The following MRPS33 variants were observed in gnomAD, a reference collection of about 807,000 sequenced individuals.
MRPS33 encodes the protein small ribosomal subunit protein mS33.
Under a neutral mutation model 11.2 loss-of-function variants are expected in MRPS33, and 11 were observed. That is an observed-to-expected ratio of 0.99 (90% CI 0.62 to 1.63). MRPS33 has a LOEUF of 1.63. Ranked by LOEUF, MRPS33 falls within the 40% of genes most tolerant of loss-of-function variation. The pLI is 0.00. For synonymous variants in MRPS33, 46 were observed against 44.0 expected, an observed-to-expected ratio of 1.05 and a Z score of -0.18; for missense variants, 109 against 127.8, an observed-to-expected ratio of 0.85 and a Z score of 0.71.
chr7:141,012,073 A>C (rs1289632913), intron 1 of MRPS33, among the ~76,000 whole-genome samples: 2 of 150,744 alleles, frequency 1.3e-5, no homozygotes, highest in Non-Finnish European at 3.0e-5. Context: ...GTGGAGGCTG[A>C]GGAGGGGGAC....
intron 2 of MRPS33, 159 bp downstream of exon 2, chr7:141,010,260 G>C: frequency 1.5e-6 from 1 of 652,028 alleles, no homozygotes; most frequent in Non-Finnish European, 2.6e-6. Context: ...TCCATTATGG[G>C]TATTTTGAAA....
At chr7:141,006,723 A>G (rs1173010792) in intron 2 of MRPS33, among the ~76,000 whole-genome samples, 188 bp from the exon 3 acceptor site, 1 of 152,170 alleles carries the variant, frequency 6.6e-6, no homozygotes, top group Non-Finnish European at 1.5e-5. Context: ...GTGTATTCCA[A>G]AAGTTCACTT....
rs753566394 is a variant in MRPS33, at chr7:141,010,437, C to T, written c.197G>A (p.Arg66Gln). 1.8e-5 allele frequency: 29 copies of T among 1,614,128 alleles called. No homozygotes were observed. The Admixed American group carries it at 3.0e-4, about 17-fold the overall frequency. ...TCATCACCTGTAGAGTCCAAGAAAT[C>T]GGAGCGTCTGCATGAGTTCAGCGTA... The part of the protein sequence containing the change: ...HTYAELMQTL[R>Q]FLGLYRDEHQ... Residue 66 changes from arginine (R) to glutamine (Q), a missense_variant, in exon 2 of 3, where the codon CGA (arginine) becomes CAA (glutamine). Physicochemically the swap from Arg to Gln is conservative, Grantham distance 43. Coordinates refer to ENST00000324787, the MANE Select transcript of MRPS33 (RefSeq NM_053035.3).
At chr7:141,010,257 T>G in intron 2 of MRPS33, 162 bp downstream of exon 2, 1 of 640,870 alleles carries the variant, frequency 1.6e-6, no homozygotes, top group South Asian at 2.0e-5. Context: ...CTCTCCATTA[T>G]GGGTATTTTG....
chr7:141,013,883 TG>T (rs1321658358), intron 1 of MRPS33, among the ~76,000 whole-genome samples: 13 of 152,372 alleles, frequency 8.5e-5, no homozygotes, highest in Admixed American at 7.2e-4. Context: ...GTATTAGGTT[TG>T]CCTTTTCTCT....
Position 141,006,486 on chromosome 7 carries a change from G to A in MRPS33, c.265C>T (p.Arg89Cys), listed in dbSNP as rs539155034. The change falls in exon 3 of 3, where the codon CGT (arginine) becomes TGT (cysteine). Residue 89 changes from arginine (R) to cysteine (C), a missense_variant. Physicochemically the swap from Arg to Cys is radical, Grantham distance 180. Transcript: ENST00000324787. Reference sequence around the variant, plus strand: ...CCTTTCTTTGGTTTCTCCTTTCCACGAAGCTTCTTTAGTCGTTTTTGCTCA... The same window carrying A: ...CCTTTCTTTGGTTTCTCCTTTCCACAAAGCTTCTTTAGTCGTTTTTGCTCA... ...MDEQKRLKKLRGKEKPKKGEG... is the reference protein window; with the variant it reads ...MDEQKRLKKLCGKEKPKKGEG... 20 of 1,613,914 alleles carry A rather than the reference G, an allele frequency of 1.2e-5. No individual in the cohort carries two copies. Among genetic ancestry groups the A allele is most frequent in the Admixed American group, 1.7e-5 (1 of 60,024 alleles).
chr7:141,008,664 T>C (rs1168320379), intron 2 of MRPS33, among the ~76,000 whole-genome samples: 2 of 152,226 alleles, frequency 1.3e-5, no homozygotes, highest in East Asian at 1.9e-4. Flanking sequence ...ATAATTTTAG[T>C]ATTGTTGCCC....
chr7:141,003,219 C>T lies in MRPS33; in HGVS notation c.*3211G>A, dbSNP rs998453451. ...TTTTGACCAGAGAAATCCAATTAAA[C>T]AAACTGGCTAGTCTAAACTTGGAGT... On this transcript the variant is annotated 3_prime_UTR_variant, in exon 3 of 3. Transcript: ENST00000324787. 4 of 152,204 alleles carry T rather than the reference C, an allele frequency of 2.6e-5. No homozygotes were observed. Among genetic ancestry groups the T allele is most frequent in the African/African-American group, 7.2e-5 (3 of 41,450 alleles). The allele number at this position is 152,204 out of a possible 1,614,324, so 9.4% of individuals were successfully genotyped here.
In MRPS33 at chr7:141,003,677, C is replaced by G. The variant is rs1820458179; in HGVS notation, c.*2753G>C. ...AATGCAGTTATTCTCTTTAAAATAT[C>G]ATGCTAATTCTCTTAAGTTCCTCTT... On this transcript the variant is annotated 3_prime_UTR_variant, in exon 3 of 3. Coordinates refer to ENST00000324787, the MANE Select transcript of MRPS33 (RefSeq NM_053035.3). 6.6e-6 allele frequency: 1 copy of G among 152,204 alleles called. No individual in the cohort carries two copies. The highest frequency in any genetic ancestry group is 1.5e-5 in the Non-Finnish European group (1 of 68,042). The allele number at this position is 152,204 out of a possible 1,614,324, so 9.4% of individuals were successfully genotyped here.
chr7:141,005,882 C>T lies in MRPS33; in HGVS notation c.*548G>A, dbSNP rs1198667109. The stretch of plus-strand genomic sequence containing the variant: ...TTGCTAACCACGTGTATTACCAGGG[C>T]CCCAATATCTTGTACAGAGCAGGTA... On this transcript the variant is annotated 3_prime_UTR_variant, in exon 3 of 3. Coordinates refer to ENST00000324787, the MANE Select transcript of MRPS33 (RefSeq NM_053035.3). 6.6e-6 allele frequency: 1 copy of T among 152,596 alleles called. No homozygotes were observed. The highest frequency in any genetic ancestry group is 6.5e-5 in the Admixed American group (1 of 15,318). The allele number at this position is 152,596 out of a possible 1,614,324, so 9.5% of individuals were successfully genotyped here.
At chr7:141,012,575 T>G (rs1820701957) in intron 1 of MRPS33, among the ~76,000 whole-genome samples, 1 of 152,256 alleles carries the variant, frequency 6.6e-6, no homozygotes, top group Non-Finnish European at 1.5e-5. Context: ...TCCTTTGCCC[T>G]TTAAAGTTAC....
chr7:141,013,091 G>A (rs1408498417), intron 1 of MRPS33, among the ~76,000 whole-genome samples: 1 of 151,568 alleles, frequency 6.6e-6, no homozygotes, highest in Non-Finnish European at 1.5e-5. Context: ...GAGACAGACA[G>A]ATAGATACTC....
Position 141,005,885 on chromosome 7 carries a change from C to A in MRPS33, c.*545G>T, listed in dbSNP as rs1318643896. ...CTAACCACGTGTATTACCAGGGCCC[C>A]AATATCTTGTACAGAGCAGGTATTC... On this transcript the variant is annotated 3_prime_UTR_variant, in exon 3 of 3. Transcript: ENST00000324787. 6.5e-6 allele frequency: 1 copy of A among 152,704 alleles called. No individual in the cohort carries two copies. The highest frequency in any genetic ancestry group is 1.5e-5 in the Non-Finnish European group (1 of 68,476). 9.5% of individuals were successfully genotyped at this position (152,704 alleles called of 1,614,324 possible). A position where few individuals can be genotyped will look rare whatever the true frequency, so the allele number is the denominator to read the frequency against.
intron 1 of MRPS33, among the ~76,000 whole-genome samples, chr7:141,013,951 GAA>G (rs1406707526): frequency 6.6e-6 from 1 of 152,172 alleles, no homozygotes; most frequent in Non-Finnish European, 1.5e-5. Context: ...TCAGCGTTTT[GAA>G]AACAGTGGAA....
intron 2 of MRPS33, 43 bp downstream of exon 2, chr7:141,010,376 G>GA: frequency 3.8e-6 from 6 of 1,588,292 alleles, no homozygotes; most frequent in Non-Finnish European, 5.1e-6. Context: ...CTGATCTACT[G>GA]AAAAAAAGTC....
rs375007002 is a variant in MRPS33 at position 141,006,378 on chromosome 7, C to G, written c.*52G>C. ...AATAGGTGGAAAGACAATAAATGCA[C>G]TTTCTTCTCTCCGCCACTGAGGAAG... On this transcript the variant is annotated 3_prime_UTR_variant, in exon 3 of 3. Transcript: ENST00000324787. The G allele has an allele frequency of 2.0e-5, 30 of 1,482,110 alleles. No individual in the cohort carries two copies. Among genetic ancestry groups the G allele is most frequent in the Non-Finnish European group, 2.7e-5 (29 of 1,069,620 alleles). 91.8% of individuals were successfully genotyped at this position (1,482,110 alleles called of 1,614,324 possible). A position where few individuals can be genotyped will look rare whatever the true frequency, so the allele number is the denominator to read the frequency against.
chr7:141,012,173 C>CAAAAAAAAAAAAAA lies in MRPS33; in HGVS notation c.-27-1527_-27-1514dup, dbSNP rs56343833. On this transcript the variant is annotated intron_variant, in intron 1 of 2. Coordinates refer to ENST00000324787, the MANE Select transcript of MRPS33 (RefSeq NM_053035.3). ...TGAGTGACAGAGCAAGATTGTGTGT[C>CAAAAAAAAAAAAAA]AAAAAAAAAAAAAAAAAAAAAGCAG... 2.2e-3 allele frequency among the ~76,000 whole-genome samples: 128 copies of CAAAAAAAAAAAAAA among 58,758 alleles called. 30 individuals carry two copies. The highest frequency in any genetic ancestry group is 5.5e-3 in the African/African-American group (69 of 12,476). The allele number at this position is 58,758 out of a possible 152,430, so 38.5% of individuals were successfully genotyped here.
rs200306228 is a variant in MRPS33 at position 141,009,134 on chromosome 7, AT to A, written c.215+1284del. On this transcript the variant is annotated intron_variant, in intron 2 of 2. Transcript: ENST00000324787. ...ATGAGAAAGATCACACAGGTATTTG[AT>A]TTTTTTTTTTTTTTGAGATAGAGTC... Among the ~76,000 whole-genome samples, 958 of 140,158 alleles carry A rather than the reference AT, an allele frequency of 6.8e-3. 4 individuals are homozygous for A. Among genetic ancestry groups the A allele is most frequent in the Middle Eastern group, 0.015 (4 of 264 alleles). 91.9% of individuals were successfully genotyped at this position (140,158 alleles called of 152,430 possible).
Position 141,010,638 on chromosome 7 carries a change from T to C in MRPS33, c.-5A>G, listed in dbSNP as rs1195264486. 6.2e-7 allele frequency: 1 copy of C among 1,613,352 alleles called. No individual in the cohort carries two copies. Among genetic ancestry groups the C allele is most frequent in the South Asian group, 1.1e-5 (1 of 91,054 alleles). ...ATATTCTGAAAGGGAGGACATTTCTTGAGTGGCAAGGAGTTAGAGTTCCTA... is the reference window on the plus strand; with the variant it reads ...ATATTCTGAAAGGGAGGACATTTCTCGAGTGGCAAGGAGTTAGAGTTCCTA... On this transcript the variant is annotated 5_prime_UTR_variant, in exon 2 of 3. Coordinates refer to ENST00000324787, the MANE Select transcript of MRPS33 (RefSeq NM_053035.3).
Sources: gnomAD v4.1 joint callset for allele counts (sites outside exome capture counted in the v4.1 genomes callset) on GRCh38, gnomAD v4.1.1 for gene constraint, MANE v1.5 for transcripts, NCBI Gene and HGNC (gene_info 2026-07-23, HGNC 2026-07-21) for gene names.